CYP2C8: variants seen among roughly 807,000 people sequenced by gnomAD.
The protein encoded by CYP2C8 is cytochrome P450 family 2 subfamily C member 8.
In CYP2C8, 51 loss-of-function variants were observed where a neutral mutation model predicts 41.3. The observed-to-expected ratio is 1.24, with a 90% CI of 0.99 to 1.56. CYP2C8 has a LOEUF of 1.56. CYP2C8 is among the 40% of genes most tolerant of loss of function. CYP2C8 has a pLI of 0.00. For synonymous variants in CYP2C8, 218 were observed against 205.8 expected (o/e 1.06, Z -0.51); for missense variants, 651 against 579.9 (o/e 1.12, Z -1.26).
intron 4 of CYP2C8, among the ~76,000 whole-genome samples, chr10:95,063,802 T>G (rs1341444415): frequency 6.6e-6 from 1 of 152,216 alleles, no homozygotes; most frequent in African/African-American, 2.4e-5. Context: ...GATGGTGATG[T>G]ACAGATGGGG....
chr10:95,041,737 C>T (rs1014667754), intron 7 of CYP2C8, among the ~76,000 whole-genome samples: 3 of 139,818 alleles, frequency 2.1e-5, no homozygotes, highest in African/African-American at 8.1e-5. Context: ...GCCGAGATTG[C>T]GCCACTGCAG....
chr10:95,047,313 A>C (rs1228507813), intron 5 of CYP2C8, among the ~76,000 whole-genome samples: 1 of 152,176 alleles, frequency 6.6e-6, no homozygotes, highest in African/African-American at 2.4e-5. Flanking sequence ...TATTATTTGT[A>C]AGTGAACACA....
intron 4 of CYP2C8, among the ~76,000 whole-genome samples, chr10:95,062,536 C>T (rs1324653098): frequency 1.3e-5 from 2 of 152,120 alleles, no homozygotes; most frequent in Non-Finnish European, 2.9e-5. Context: ...ATGTGCGTCT[C>T]TGCACATGAG....
intron 4 of CYP2C8, among the ~76,000 whole-genome samples, chr10:95,064,219 C>A (rs1330819936): frequency 6.6e-6 from 1 of 152,182 alleles, no homozygotes; most frequent in East Asian, 1.9e-4. Context: ...TATGCCCTGC[C>A]CCGAGAAGTG....
intron 6 of CYP2C8, among the ~76,000 whole-genome samples, chr10:95,044,688 C>T (rs2033074416): frequency 1.3e-5 from 2 of 151,974 alleles, no homozygotes; most frequent in Non-Finnish European, 2.9e-5. Flanking sequence ...GGTTCTTAGG[C>T]TCAGTCTCTC....
Position 95,069,316 on chromosome 10 carries a change from G to T in CYP2C8, c.87C>A (p.Leu29=), listed in dbSNP as rs1342945393. The change falls in exon 1 of 9, where the codon CTC becomes CTA. Residue 29 remains leucine (L), a synonymous_variant. Coordinates refer to ENST00000371270, the MANE Select transcript of CYP2C8 (RefSeq NM_000770.3). The stretch of plus-strand genomic sequence containing the variant: ...TAGGAAGAGGAGTGGGGCCAGGAGG[G>T]AGCTTCCTTCTCCTACAGCTCTGTC... ...LWRQSCRRRK[L]PPGPTPLPII... is the part of the protein sequence containing the mutation. 2 of 1,613,932 alleles carry T rather than the reference G, an allele frequency of 1.2e-6. No individual in the cohort carries two copies. Among genetic ancestry groups the T allele is most frequent in the Non-Finnish European group, 1.7e-6 (2 of 1,179,992 alleles).
At chr10:95,037,392 C>T in intron 8 of CYP2C8, 83 bp from the exon 9 acceptor site, 3 of 1,132,714 alleles carry the variant, frequency 2.6e-6, no homozygotes, top group South Asian at 1.3e-5. Flanking sequence ...CTTGCACAAA[C>T]AGAATATGCA....
At position 95,069,395 on chromosome 10, in the gene CYP2C8, G is replaced by C. The variant is rs1273514910; in HGVS notation, c.8C>G (p.Pro3Arg). Residue 3 changes from proline to arginine, a missense_variant, in exon 1 of 9, where the codon CCT (proline) becomes CGT (arginine). Physicochemically the swap from Pro to Arg is moderately radical, Grantham distance 103. Transcript: ENST00000371270. ...GAGACACAGCACCAGGACCACAAAAGGTTCCATTGAAGCCTTCTCTTCTTA... is the reference window on the plus strand; with the variant it reads ...GAGACACAGCACCAGGACCACAAAACGTTCCATTGAAGCCTTCTCTTCTTA... ME[P>R]FVVLVLCLSF... is the part of the protein sequence containing the mutation. The C allele has an allele frequency of 9.9e-6, 16 of 1,613,946 alleles. No individual in the cohort carries two copies. The highest frequency in any genetic ancestry group is 3.3e-5 in the Admixed American group (2 of 59,970).
chr10:95,050,836 C>T (rs551780951), intron 5 of CYP2C8, among the ~76,000 whole-genome samples: 2 of 152,000 alleles, frequency 1.3e-5, no homozygotes, highest in Non-Finnish European at 2.9e-5. Flanking sequence ...AGGTTAAGTC[C>T]TTTTTAATAT....
At chr10:95,046,137 A>T (rs2033105427) in intron 5 of CYP2C8, among the ~76,000 whole-genome samples, 186 bp from the exon 6 acceptor site, 1 of 152,174 alleles carries the variant, frequency 6.6e-6, no homozygotes, top group African/African-American at 2.4e-5. Context: ...TTATTTCCTG[A>T]CAGACCTACA....
At chr10:95,059,741 T>C (rs1564739720) in intron 4 of CYP2C8, among the ~76,000 whole-genome samples, 1 of 152,250 alleles carries the variant, frequency 6.6e-6, no homozygotes, top group Non-Finnish European at 1.5e-5. Flanking sequence ...TGAATGGTAT[T>C]GCCTAGGTTT....
In CYP2C8 at chr10:95,037,105, G is replaced by A. The variant is rs2032897360; in HGVS notation, c.*23C>T. On this transcript the variant is annotated 3_prime_UTR_variant, in exon 9 of 9. Transcript: ENST00000371270. Reference sequence around the variant, plus strand: ...AAGAGTTGCAGGTGATAGCAGATCGGCAGCCAGATGGGCTAGCATTCTTCA... The same window carrying A: ...AAGAGTTGCAGGTGATAGCAGATCGACAGCCAGATGGGCTAGCATTCTTCA... 3 of 1,610,954 alleles carry A rather than the reference G, an allele frequency of 1.9e-6. No homozygotes were observed. Among genetic ancestry groups the A allele is most frequent in the Non-Finnish European group, 2.5e-6 (3 of 1,177,182 alleles).
intron 5 of CYP2C8, among the ~76,000 whole-genome samples, chr10:95,056,102 TAAATA>T (rs1389419626): frequency 6.6e-6 from 1 of 151,692 alleles, no homozygotes; most frequent in Non-Finnish European, 1.5e-5. Flanking sequence ...CCAAAATAAA[TAAATA>T]AAATAAAATA....
intron 8 of CYP2C8, among the ~76,000 whole-genome samples, chr10:95,038,103 A>G (rs2032922158): frequency 6.6e-6 from 1 of 152,236 alleles, no homozygotes; most frequent in East Asian, 1.9e-4. Flanking sequence ...ATCAAAGAAT[A>G]AAGGAAGGAG....
Position 95,069,495 on chromosome 10 carries a change from T to A in CYP2C8, c.-93A>T. ...TAATTTAGTGTGTGTCTCTTTGACA[T>A]GTAAAGTAAACAATCACCTAGATCC... On this transcript the variant is annotated 5_prime_UTR_variant, in exon 1 of 9. The change abolishes an upstream ATG in the 5' untranslated region. Coordinates refer to ENST00000371270, the MANE Select transcript of CYP2C8 (RefSeq NM_000770.3). The A allele has an allele frequency of 3.8e-6, 4 of 1,047,868 alleles. No homozygotes were observed. The highest frequency in any genetic ancestry group is 5.8e-6 in the Non-Finnish European group (4 of 683,996). The allele number at this position is 1,047,868 out of a possible 1,614,324, so 64.9% of individuals were successfully genotyped here.
At chr10:95,060,312 A>G (rs892490870) in intron 4 of CYP2C8, among the ~76,000 whole-genome samples, 2 of 151,956 alleles carry the variant, frequency 1.3e-5, no homozygotes, top group Non-Finnish European at 2.9e-5. Flanking sequence ...AGCCTCTTTT[A>G]TTTTGTTGAG....
intron 4 of CYP2C8, among the ~76,000 whole-genome samples, chr10:95,058,851 TTC>T (rs889780157): frequency 6.6e-6 from 1 of 152,038 alleles, no homozygotes; most frequent in African/African-American, 2.4e-5. Context: ...TGTTCAAGTG[TTC>T]TCATTGTTCA....
chr10:95,067,126 C>T, intron 3 of CYP2C8, 82 bp downstream of exon 3: 2 of 1,595,460 alleles, frequency 1.3e-6, no homozygotes, highest in Non-Finnish European at 8.6e-7. Context: ...GAAGACCTGG[C>T]CACCCCTGAA....
At chr10:95,037,392 CAG>C in intron 8 of CYP2C8, 83 bp from the exon 9 acceptor site, 1 of 1,132,714 alleles carries the variant, frequency 8.8e-7, no homozygotes, top group Non-Finnish European at 1.3e-6. Flanking sequence ...CTTGCACAAA[CAG>C]AATATGCAGT....
Sources: gnomAD v4.1 joint callset for allele counts (sites outside exome capture counted in the v4.1 genomes callset) on GRCh38, gnomAD v4.1.1 for gene constraint, MANE v1.5 for transcripts, NCBI Gene and HGNC (gene_info 2026-07-23, HGNC 2026-07-21) for gene names.